C1orf21: variants seen among roughly 807,000 people sequenced by gnomAD.
C1orf21 encodes chromosome 1 open reading frame 21.
Under a neutral mutation model 18.7 loss-of-function variants are expected in C1orf21, and 3 were observed. The observed-to-expected ratio is 0.16, with a 90% CI of 0.07 to 0.42. The LOEUF is 0.42. Ranked by LOEUF, C1orf21 falls within the 10% of genes least tolerant of loss-of-function variation. The pLI, the probability that C1orf21 is intolerant of heterozygous loss-of-function variation, is 0.99. For synonymous variants in C1orf21, 41 were observed against 46.4 expected (o/e 0.88, Z 0.47); for missense variants, 104 against 143.6 (o/e 0.72, Z 1.41).
chr1:184,578,204 C>T (rs1244288178), intron 3 of C1orf21, among the ~76,000 whole-genome samples: 1 of 152,126 alleles, frequency 6.6e-6, no homozygotes, highest in African/African-American at 2.4e-5. Context: ...GATCCACCCA[C>T]CTCAGCCTCC....
Position 184,559,481 on chromosome 1 carries a change from T to TCCCC in C1orf21, c.190-31256_190-31255insCCCC, listed in dbSNP as rs200776161. Among the ~76,000 whole-genome samples the TCCCC allele has an allele frequency of 4.1e-3, 525 of 127,564 alleles. 61 individuals carry two copies. Among genetic ancestry groups the TCCCC allele is most frequent in the African/African-American group, 0.021 (502 of 24,384 alleles). 83.7% of individuals were successfully genotyped at this position (127,564 alleles called of 152,430 possible). A position where few individuals can be genotyped will look rare whatever the true frequency, so the allele number is the denominator to read the frequency against. Reference sequence around the variant, plus strand: ...TCTTTCTTTCTCTCCTTTCCCTCCTTCCTTCCTTCCTTCCTTCCTTCCCCC... The same window carrying TCCCC: ...TCTTTCTTTCTCTCCTTTCCCTCCTTCCCCCCTTCCTTCCTTCCTTCCTTCCCCC... On this transcript the variant is annotated intron_variant, in intron 3 of 5. Transcript: ENST00000235307.
intron 1 of C1orf21, among the ~76,000 whole-genome samples, chr1:184,448,460 A>G (rs1657067269): frequency 1.3e-5 from 2 of 152,200 alleles, no homozygotes; most frequent in African/African-American, 2.4e-5. Flanking sequence ...GGTGCTACAT[A>G]TGTAAGCACT....
chr1:184,582,345 C>G (rs934590400), intron 3 of C1orf21, among the ~76,000 whole-genome samples: 5 of 152,206 alleles, frequency 3.3e-5, no homozygotes, highest in African/African-American at 1.2e-4. Context: ...TTCTAGTTGT[C>G]AAATTATTTT....
intron 3 of C1orf21, among the ~76,000 whole-genome samples, chr1:184,585,708 G>A (rs115126571): frequency 0.062 from 9,396 of 152,084 alleles, 406 homozygotes; most frequent in African/African-American, 0.11. Context: ...CTTATAATTG[G>A]GAACATGCGA....
At chr1:184,479,499 G>A (rs1006910019) in intron 2 of C1orf21, among the ~76,000 whole-genome samples, 8 of 152,046 alleles carry the variant, frequency 5.3e-5, no homozygotes, top group African/African-American at 1.2e-4. Flanking sequence ...ACAGAGAGAC[G>A]GACTTGTCCG....
intron 2 of C1orf21, among the ~76,000 whole-genome samples, chr1:184,479,265 C>A (rs1322993852): frequency 6.6e-6 from 1 of 152,108 alleles, no homozygotes; most frequent in Non-Finnish European, 1.5e-5. Flanking sequence ...TACTGTCATC[C>A]TGAAACGCTT....
chr1:184,414,915 A>G (rs916297412), intron 1 of C1orf21, among the ~76,000 whole-genome samples: 8 of 152,194 alleles, frequency 5.3e-5, no homozygotes, highest in South Asian at 4.2e-4. Context: ...AAAGCAAGCC[A>G]CCTTTGCTTT....
chr1:184,561,789 T>C (rs2101986317), intron 3 of C1orf21, among the ~76,000 whole-genome samples: 1 of 152,222 alleles, frequency 6.6e-6, no homozygotes. Context: ...GGCTAATTTT[T>C]GTATTTTTAG....
chr1:184,579,028 T>G (rs1659234774), intron 3 of C1orf21, among the ~76,000 whole-genome samples: 2 of 147,292 alleles, frequency 1.4e-5, no homozygotes, highest in South Asian at 4.2e-4. Context: ...CTGAGCGTCT[T>G]GGGTGCCCTT....
intron 3 of C1orf21, among the ~76,000 whole-genome samples, chr1:184,582,284 T>C (rs1019766131): frequency 2.0e-5 from 3 of 152,248 alleles, no homozygotes; most frequent in Non-Finnish European, 2.9e-5. Flanking sequence ...TATTGTTTAT[T>C]TTATAGCCAA....
chr1:184,607,453 A>G lies in C1orf21; in HGVS notation c.327+8992A>G, dbSNP rs796375020. Among the ~76,000 whole-genome samples the G allele has an allele frequency of 1.6e-4, 24 of 152,306 alleles. 2 individuals are homozygous for G. The highest frequency in any genetic ancestry group is 4.8e-4 in the African/African-American group (20 of 41,574). On this transcript the variant is annotated intron_variant, in intron 5 of 5. Transcript: ENST00000235307. ...GGTAAAAACCATCAATTAAACTACA[A>G]TAAAGTTCACTGCAGCATTCTTTAT...
intron 3 of C1orf21, among the ~76,000 whole-genome samples, chr1:184,510,842 T>C (rs888697348): frequency 2.0e-5 from 3 of 152,130 alleles, no homozygotes; most frequent in African/African-American, 7.2e-5. Context: ...CAACAGCTGG[T>C]GTAATATGGA....
At chr1:184,607,018 T>G (rs1217951724) in intron 5 of C1orf21, among the ~76,000 whole-genome samples, 4 of 152,250 alleles carry the variant, frequency 2.6e-5, no homozygotes, top group African/African-American at 9.6e-5. Flanking sequence ...TTATTTCTGG[T>G]GCACTTTATT....
chr1:184,617,904 G>GT lies in C1orf21; in HGVS notation c.328-1591dup, dbSNP rs142357373. ...CATTGTGTGGCAGTTTGTTGTTGTT[G>GT]TTTTTTTTTTTTTTTTTTTTTTTGA... On this transcript the variant is annotated intron_variant, in intron 5 of 5. Coordinates refer to ENST00000235307, the MANE Select transcript of C1orf21 (RefSeq NM_030806.4). Among the ~76,000 whole-genome samples the GT allele has an allele frequency of 8.3e-3, 726 of 87,390 alleles. 9 individuals are homozygous for GT. Among genetic ancestry groups the GT allele is most frequent in the Non-Finnish European group, 0.013 (568 of 43,778 alleles). The allele number at this position is 87,390 out of a possible 152,430, so 57.3% of individuals were successfully genotyped here. A position where few individuals can be genotyped will look rare whatever the true frequency, so the allele number is the denominator to read the frequency against.
At chr1:184,417,182 C>A (rs1656466464) in intron 1 of C1orf21, among the ~76,000 whole-genome samples, 1 of 152,128 alleles carries the variant, frequency 6.6e-6, no homozygotes, top group Non-Finnish European at 1.5e-5. Flanking sequence ...GTAGGCAAGG[C>A]AGGACATGCT....
rs1171445203 is a variant in C1orf21, at chr1:184,621,661, C to G, written c.*2105C>G. ...CAGTGTCTTCCCAGAAAACCACCAC[C>G]CTCTACCCAAAGATGAAACATGCTC... On this transcript the variant is annotated 3_prime_UTR_variant, in exon 6 of 6. Transcript: ENST00000235307. The G allele has an allele frequency of 6.6e-6, 1 of 152,218 alleles. No individual in the cohort carries two copies. Among genetic ancestry groups the G allele is most frequent in the Non-Finnish European group, 1.5e-5 (1 of 68,036 alleles). The allele number at this position is 152,218 out of a possible 1,614,324, so 9.4% of individuals were successfully genotyped here.
At chr1:184,562,273 A>G (rs1658978816) in intron 3 of C1orf21, among the ~76,000 whole-genome samples, 1 of 152,196 alleles carries the variant, frequency 6.6e-6, no homozygotes, top group Non-Finnish European at 1.5e-5. Context: ...ATTATATTTG[A>G]CTTAGTAATT....
intron 3 of C1orf21, 26 bp downstream of exon 3, chr1:184,507,708 A>G: frequency 6.4e-7 from 1 of 1,554,984 alleles, no homozygotes; most frequent in Non-Finnish European, 8.7e-7. Flanking sequence ...CTCACTTAAC[A>G]ATGAATTTTG....
intron 1 of C1orf21, among the ~76,000 whole-genome samples, chr1:184,426,362 G>A (rs1656637163): frequency 6.6e-6 from 1 of 152,142 alleles, no homozygotes; most frequent in Non-Finnish European, 1.5e-5. Context: ...CACCCTCAGA[G>A]CGATCTTTTA....
Sources: allele counts gnomAD v4.1 joint callset (sites outside exome capture counted in the v4.1 genomes callset), GRCh38; gene constraint gnomAD v4.1.1; transcripts MANE v1.5; gene names NCBI Gene and HGNC (gene_info 2026-07-23, HGNC 2026-07-21).